Variants in EPG5 observed in about 807,000 individuals in gnomAD.
The protein encoded by EPG5 is ectopic P-granules 5 autophagy tethering factor.
Under a neutral mutation model 302.7 loss-of-function variants are expected in EPG5, and 159 were observed. That is an observed-to-expected ratio of 0.53 (90% CI 0.46 to 0.60). The LOEUF is 0.60. EPG5 is among the 20% of genes least tolerant of loss of function. The pLI is 0.00. For missense variants in EPG5, 2,896 were observed against 3,092.4 expected, an observed-to-expected ratio of 0.94 and a Z score of 1.51; for synonymous variants, 1,158 against 1,136.8, an observed-to-expected ratio of 1.02 and a Z score of -0.37.
At chr18:45,966,717 G>A (rs1186387870) in intron 1 of EPG5, among the ~76,000 whole-genome samples, 2 of 152,164 alleles carry the variant, frequency 1.3e-5, no homozygotes, top group African/African-American at 2.4e-5. Flanking sequence ...ATCAGAAATG[G>A]CACAGCACTA....
At chr18:45,935,986 T>C (rs1361455981) in intron 10 of EPG5, among the ~76,000 whole-genome samples, 1 of 152,168 alleles carries the variant, frequency 6.6e-6, no homozygotes, top group Admixed American at 6.5e-5. Flanking sequence ...TTTGCCATCA[T>C]CATACATTCT....
intron 15 of EPG5, 103 bp downstream of exon 15, chr18:45,923,165 C>A: frequency 7.9e-7 from 1 of 1,265,666 alleles, no homozygotes; most frequent in Non-Finnish European, 1.1e-6. Context: ...TAGAAATGTT[C>A]TTAGGATACC....
intron 9 of EPG5, among the ~76,000 whole-genome samples, chr18:45,942,133 G>C (rs930423481): frequency 6.6e-6 from 1 of 152,012 alleles, no homozygotes; most frequent in Non-Finnish European, 1.5e-5. Flanking sequence ...GCTGAGGTGG[G>C]AGAATGGCTT....
chr18:45,909,999 T>G (rs2049854603), intron 23 of EPG5, among the ~76,000 whole-genome samples: 1 of 152,128 alleles, frequency 6.6e-6, no homozygotes, highest in Admixed American at 6.5e-5. Context: ...TAGCAAGGTT[T>G]TTTTGTAACA....
In EPG5 at chr18:45,886,665, A is replaced by AT. The variant is rs201251797; in HGVS notation, c.5109+1085dup. ...CATTGCTTATAATAAGCATACATTA[A>AT]TTTTTTTTTTGAGACAGAGTTTTGC... is the stretch of plus-strand genomic sequence containing the variant. On this transcript the variant is annotated intron_variant, in intron 29 of 43. Transcript: ENST00000282041. Among the ~76,000 whole-genome samples the AT allele has an allele frequency of 7.9e-3, 1,184 of 150,444 alleles. 4 individuals carry two copies. Among genetic ancestry groups the AT allele is most frequent in the Middle Eastern group, 0.034 (10 of 292 alleles).
chr18:45,863,658 T>C (rs2048681370), intron 39 of EPG5, among the ~76,000 whole-genome samples: 1 of 152,198 alleles, frequency 6.6e-6, no homozygotes, highest in Non-Finnish European at 1.5e-5. Flanking sequence ...GGGTGGCTTT[T>C]CTTAGTTTAC....
chr18:45,949,745 C>T (rs1335550784), intron 4 of EPG5, among the ~76,000 whole-genome samples, 154 bp from the exon 5 acceptor site: 1 of 152,168 alleles, frequency 6.6e-6, no homozygotes, highest in African/African-American at 2.4e-5. Flanking sequence ...TGAGTTTCTA[C>T]GAGGCCTACA....
the EPG5 span, among the ~76,000 whole-genome samples, chr18:45,832,842 C>A: frequency 1.6e-4 from 24 of 152,230 alleles, no homozygotes; most frequent in African/African-American, 5.8e-4. Context: ...TTTCCCTGGG[C>A]AAATCCTGCT....
chr18:45,936,457 G>A (rs1445248470), intron 10 of EPG5, among the ~76,000 whole-genome samples: 1 of 109,400 alleles, frequency 9.1e-6, no homozygotes, highest in African/African-American at 4.6e-5. Flanking sequence ...GCTGGATGCG[G>A]TGGCTCACGC....
At chr18:45,841,527 G>A in the EPG5 span, among the ~76,000 whole-genome samples, 8 of 152,204 alleles carry the variant, frequency 5.3e-5, no homozygotes, top group South Asian at 2.1e-4. Context: ...CAGGCCGTTG[G>A]CAAGGCTGAG....
chr18:45,878,340 CG>C, intron 34 of EPG5, 35 bp downstream of exon 34: 1 of 1,400,952 alleles, frequency 7.1e-7, no homozygotes, highest in East Asian at 2.3e-5. Flanking sequence ...AGTCTACAAA[CG>C]TCAAAGGAAT....
chr18:45,948,500 T>C lies in EPG5; in HGVS notation c.1571+3A>G, dbSNP rs779273987. On this transcript the variant is annotated splice_donor_region_variant and intron_variant, in intron 6 of 43. Coordinates refer to ENST00000282041, the MANE Select transcript of EPG5 (RefSeq NM_020964.3). ...CTACTTCACAAAGCTCTTGCACACT[T>C]ACTTGACAGGAGACATCAGCAGGGC... 2.7e-5 allele frequency: 44 copies of C among 1,611,280 alleles called. No individual in the cohort carries two copies. Among genetic ancestry groups the C allele is most frequent in the Non-Finnish European group, 3.4e-5 (40 of 1,177,610 alleles).
intron 27 of EPG5, among the ~76,000 whole-genome samples, chr18:45,898,669 A>C (rs1450596459): frequency 6.6e-6 from 1 of 152,190 alleles, no homozygotes; most frequent in Non-Finnish European, 1.5e-5. Flanking sequence ...TGTGCAGCAG[A>C]CAGCCAGAGT....
At chr18:45,844,106 C>T (rs926144555), downstream of EPG5, 1 of 151,820 alleles carries the variant, frequency 6.6e-6, no homozygotes, top group African/African-American at 2.4e-5. Flanking sequence ...GAAATCCTGT[C>T]GCTTGCAACA....
chr18:45,891,292 A>C (rs1448924793), intron 27 of EPG5, among the ~76,000 whole-genome samples: 1 of 151,984 alleles, frequency 6.6e-6, no homozygotes, highest in Admixed American at 6.6e-5. Context: ...TGAGGTCAGG[A>C]GTTCGAGACA....
chr18:45,927,511 C>G (rs2050299423), intron 13 of EPG5, among the ~76,000 whole-genome samples: 1 of 151,958 alleles, frequency 6.6e-6, no homozygotes, highest in South Asian at 2.1e-4. Context: ...CATCCGCATT[C>G]ACAGAAACAT....
In EPG5 at chr18:45,940,012, G is replaced by A. The variant is rs191272710; in HGVS notation, c.1944-257C>T. On this transcript the variant is annotated intron_variant, in intron 9 of 43. Coordinates refer to ENST00000282041, the MANE Select transcript of EPG5 (RefSeq NM_020964.3). ...CTGTCACATGGTTGTAAGTGACACT[G>A]AGAAAGATAAAGCCAGAGAAAGGAA... 1.6e-3 allele frequency among the ~76,000 whole-genome samples: 243 copies of A among 152,214 alleles called. 2 individuals carry two copies. Among genetic ancestry groups the A allele is most frequent in the African/African-American group, 5.5e-3 (227 of 41,538 alleles).
intron 9 of EPG5, among the ~76,000 whole-genome samples, chr18:45,940,952 C>A (rs2050652469): frequency 6.6e-6 from 1 of 152,150 alleles, no homozygotes; most frequent in Admixed American, 6.5e-5. Context: ...GTTAATGAGT[C>A]ATCCAAGTGG....
the EPG5 span, among the ~76,000 whole-genome samples, chr18:45,833,973 T>C: frequency 6.6e-6 from 1 of 152,194 alleles, no homozygotes; most frequent in South Asian, 2.1e-4. Context: ...TTGTTTTTAA[T>C]GAGATGAGGA....
Sources: allele counts gnomAD v4.1 joint callset (sites outside exome capture counted in the v4.1 genomes callset), GRCh38; gene constraint gnomAD v4.1.1; transcripts MANE v1.5; gene names NCBI Gene and HGNC (gene_info 2026-07-23, HGNC 2026-07-21).